Variants in HS6ST2 observed in about 807,000 individuals in gnomAD.
The protein encoded by HS6ST2 is heparan-sulfate 6-O-sulfotransferase 2.
In HS6ST2, 17 loss-of-function variants were observed where a neutral mutation model predicts 33.0. The observed-to-expected ratio is 0.52, with a 90% CI of 0.35 to 0.77. The LOEUF is 0.77. Among genes scored for constraint, HS6ST2 ranks in the 30% least tolerant of loss-of-function variants. The pLI is 0.01. For synonymous variants in HS6ST2, 248 were observed against 237.1 expected, an observed-to-expected ratio of 1.05 and a Z score of -0.42; for missense variants, 519 against 551.7, an observed-to-expected ratio of 0.94 and a Z score of 0.59.
chrX:132,899,349 T>C (rs946739616), intron 2 of HS6ST2, among the ~76,000 whole-genome samples: 11 of 111,338 alleles, frequency 9.9e-5, no homozygotes, highest in African/African-American at 3.6e-4. Context: ...ACTTAACATA[T>C]AAGGACATTA....
upstream of HS6ST2, among the ~76,000 whole-genome samples, chrX:132,960,783 T>A (rs1467622276): frequency 1.8e-5 from 2 of 111,648 alleles, no homozygotes; most frequent in African/African-American, 6.5e-5. Flanking sequence ...CACCCCCTCA[T>A]GCTGTGAGGA....
intron 2 of HS6ST2, among the ~76,000 whole-genome samples, chrX:132,821,305 C>T (rs1199182473): frequency 1.9e-5 from 2 of 105,236 alleles, no homozygotes; most frequent in African/African-American, 7.0e-5. Context: ...TTCCACCTCC[C>T]GGGTTCACGC....
rs200591122 is a variant in HS6ST2 at position 132,787,202 on chromosome X, C to CAT, written c.948-78710_948-78709dup. Among the ~76,000 whole-genome samples the CAT allele has an allele frequency of 5.4e-4, 36 of 66,670 alleles. 1 individual carries two copies. The highest frequency in any genetic ancestry group is 1.9e-3 in the South Asian group (3 of 1,586). The allele number at this position is 66,670 out of a possible 115,157, so 57.9% of individuals were successfully genotyped here. Reference sequence around the variant, plus strand: ...ATATATATATACATATATATATACACATATATATATACACATATATATATA... The same window carrying CAT: ...ATATATATATACATATATATATACACATATATATATATACACATATATATATA... On this transcript the variant is annotated intron_variant, in intron 2 of 4. Coordinates refer to ENST00000370833, the MANE Select transcript of HS6ST2 (RefSeq NM_001394073.1).
At chrX:132,693,452 G>T (rs1023648936) in intron 3 of HS6ST2, among the ~76,000 whole-genome samples, 1 of 111,658 alleles carries the variant, frequency 9.0e-6, no homozygotes, top group Non-Finnish European at 1.9e-5. Context: ...TCTAACTGGT[G>T]TCTAGGGAAA....
intron 2 of HS6ST2, among the ~76,000 whole-genome samples, chrX:132,932,724 C>T (rs868789553): frequency 6.4e-4 from 70 of 108,994 alleles, no homozygotes; most frequent in African/African-American, 2.3e-3. Context: ...AGTGTTGAAA[C>T]TAATGAAAAC....
At chrX:132,957,612 C>T (rs1305591750) in intron 1 of HS6ST2, among the ~76,000 whole-genome samples, 1 of 109,353 alleles carries the variant, frequency 9.1e-6, no homozygotes. Flanking sequence ...CGGAGCTCCC[C>T]GGAGCCCCTC....
intron 2 of HS6ST2, among the ~76,000 whole-genome samples, chrX:132,824,462 G>C (rs2065496511): frequency 8.9e-6 from 1 of 112,570 alleles, no homozygotes; most frequent in South Asian, 3.7e-4. Flanking sequence ...AGGCCATAAA[G>C]TGAAATGATG....
intron 2 of HS6ST2, among the ~76,000 whole-genome samples, chrX:132,898,046 G>T (rs2066392084): frequency 1.8e-5 from 2 of 110,502 alleles, no homozygotes; most frequent in Admixed American, 1.9e-4. Flanking sequence ...TCAGATCAGT[G>T]GCGTCATTAG....
rs144182974 is a variant in HS6ST2 at position 132,722,884 on chromosome X, C to CA, written c.948-14391dup. On this transcript the variant is annotated intron_variant, in intron 2 of 4. Coordinates refer to ENST00000370833, the MANE Select transcript of HS6ST2 (RefSeq NM_001394073.1). ...TAAAATTATGTTAAAAATAAAAAAA[C>CA]AAAAAAAAAAAAACAAAAAGCAAAC... 4.2e-3 allele frequency among the ~76,000 whole-genome samples: 346 copies of CA among 82,248 alleles called. 1 individual carries two copies. Among genetic ancestry groups the CA allele is most frequent in the South Asian group, 0.014 (24 of 1,671 alleles). The allele number at this position is 82,248 out of a possible 115,157, so 71.4% of individuals were successfully genotyped here. A position where few individuals can be genotyped will look rare whatever the true frequency, so the allele number is the denominator to read the frequency against.
chrX:132,730,030 C>G (rs1390673113), intron 2 of HS6ST2, among the ~76,000 whole-genome samples: 1 of 109,770 alleles, frequency 9.1e-6, no homozygotes, highest in Non-Finnish European at 1.9e-5. Context: ...CTCCTCAGAA[C>G]CCTGAGAGTC....
Position 132,708,474 on chromosome X carries a change from A to G in HS6ST2, c.968T>C (p.Leu323Pro). The G allele has an allele frequency of 1.7e-6, 2 of 1,182,530 alleles. No individual in the cohort carries two copies. Among genetic ancestry groups the G allele is most frequent in the Non-Finnish European group, 2.3e-6 (2 of 879,109 alleles). The change falls in exon 3 of 5, where the codon CTA (leucine) becomes CCA (proline). Residue 323 changes from leucine (L) to proline (P), a missense_variant. Coordinates refer to ENST00000370833, the MANE Select transcript of HS6ST2 (RefSeq NM_001394073.1). ...CATTGTTACTTACCTTGCTGCATCT[A>G]GAATCTGAAAAATCCTCCACCTGTT... The part of the protein sequence containing the change: ...RPSRWRIFQI[L>P]DAASKDKRGS...
intron 4 of HS6ST2, among the ~76,000 whole-genome samples, chrX:132,642,734 G>C (rs1054142536): frequency 1.8e-5 from 2 of 112,392 alleles, no homozygotes; most frequent in African/African-American, 6.5e-5. Context: ...GCTAAGGAAT[G>C]TGATGTCACA....
chrX:132,944,316 T>A (rs1039655603), intron 2 of HS6ST2, among the ~76,000 whole-genome samples: 2 of 111,313 alleles, frequency 1.8e-5, no homozygotes, highest in African/African-American at 3.3e-5. Flanking sequence ...AAGGACCTCT[T>A]CAAGGAGAAC....
At chrX:132,942,200 T>C (rs190212687) in intron 2 of HS6ST2, among the ~76,000 whole-genome samples, 25 of 111,858 alleles carry the variant, frequency 2.2e-4, no homozygotes, top group Admixed American at 4.8e-4. Flanking sequence ...TATCTGGCAA[T>C]GAGCTCAAAT....
At chrX:132,956,749 C>G in intron 2 of HS6ST2, 59 bp downstream of exon 2, 1 of 1,097,739 alleles carries the variant, frequency 9.1e-7, no homozygotes, top group South Asian at 2.3e-5. Flanking sequence ...GCCAGCCGCG[C>G]CTCCCAGCCC....
chrX:132,747,894 G>T (rs1364501245), intron 2 of HS6ST2, among the ~76,000 whole-genome samples: 1 of 111,520 alleles, frequency 9.0e-6, no homozygotes, highest in African/African-American at 3.3e-5. Flanking sequence ...GGAAACTGCA[G>T]GCTGGCCAGG....
At chrX:132,629,187 AAAGG>A (rs1030953370) in intron 4 of HS6ST2, 94 bp from the exon 5 acceptor site, 6 of 929,434 alleles carry the variant, frequency 6.5e-6, no homozygotes, top group Non-Finnish European at 8.8e-6. Flanking sequence ...CACTGGCTAA[AAAGG>A]AAGGCAAAGC....
Position 132,907,621 on chromosome X carries a change from C to T in HS6ST2, c.947+49187G>A, listed in dbSNP as rs754200675. On this transcript the variant is annotated intron_variant, in intron 2 of 4. Coordinates refer to ENST00000370833, the MANE Select transcript of HS6ST2 (RefSeq NM_001394073.1). ...CTGCTTGCCACAACCTCATACTCAC[C>T]TCACTGGAAGTTGCCCCATGCATGG... 5.4e-5 allele frequency: 6 copies of T among 111,750 alleles called. No homozygotes were observed. In the Admixed American group the frequency reaches 5.7e-4, roughly 11 times the overall value. The allele number at this position is 111,750 out of a possible 1,213,427, so 9.2% of individuals were successfully genotyped here. A position where few individuals can be genotyped will look rare whatever the true frequency, so the allele number is the denominator to read the frequency against.
At chrX:132,675,652 T>C (rs1032961608) in intron 3 of HS6ST2, among the ~76,000 whole-genome samples, 1 of 111,023 alleles carries the variant, frequency 9.0e-6, no homozygotes, top group Non-Finnish European at 1.9e-5. Context: ...AACAAATACC[T>C]CACAGAGTAC....
Sources: gnomAD v4.1 joint callset for allele counts (sites outside exome capture counted in the v4.1 genomes callset) on GRCh38, gnomAD v4.1.1 for gene constraint, MANE v1.5 for transcripts, NCBI Gene and HGNC (gene_info 2026-07-23, HGNC 2026-07-21) for gene names.